The following ARNT variants were observed in gnomAD, a reference collection of about 807,000 sequenced individuals.
The protein encoded by ARNT is class E basic helix-loop-helix protein 2.
A neutral mutation model predicts 105.0 loss-of-function variants in ARNT; 30 were observed. That is an observed-to-expected ratio of 0.29 (90% CI 0.21 to 0.39). The LOEUF (loss-of-function observed/expected upper bound fraction) is 0.39. Ranked by LOEUF, ARNT falls within the 10% of genes least tolerant of loss-of-function variation. The probability of loss-of-function intolerance (pLI) is 1.00; values close to 1 mark genes in which losing one functional copy is unlikely to be tolerated. For missense variants in ARNT, 748 were observed against 978.7 expected, an observed-to-expected ratio of 0.76 and a Z score of 3.15; for synonymous variants, 304 against 344.0, an observed-to-expected ratio of 0.88 and a Z score of 1.29.
At chr1:150,854,483 G>A (rs984947082) in intron 2 of ARNT, among the ~76,000 whole-genome samples, 1 of 152,026 alleles carries the variant, frequency 6.6e-6, no homozygotes, top group Non-Finnish European at 1.5e-5. Context: ...CAGGCCTTGA[G>A]CCTGGGAGGT....
chr1:150,818,834 A>G (rs1656487328), intron 14 of ARNT, among the ~76,000 whole-genome samples: 1 of 152,204 alleles, frequency 6.6e-6, no homozygotes, highest in Non-Finnish European at 1.5e-5. Flanking sequence ...TGGAGAAAGC[A>G]ATTATTTCCA....
chr1:150,868,223 GGT>G (rs759664540), intron 1 of ARNT, among the ~76,000 whole-genome samples: 2 of 152,020 alleles, frequency 1.3e-5, no homozygotes, highest in East Asian at 1.9e-4. Context: ...AGGAAGCAGA[GGT>G]GGGAGGATCA....
At chr1:150,867,066 G>T (rs587595966) in intron 1 of ARNT, among the ~76,000 whole-genome samples, 92 of 151,946 alleles carry the variant, frequency 6.1e-4, no homozygotes, top group African/African-American at 2.0e-3. Flanking sequence ...AATTAGCCAG[G>T]CGTGGTGGCA....
chr1:150,842,476 T>C lies in ARNT; in HGVS notation c.228-8A>G, dbSNP rs771524947. 19 of 1,551,446 alleles carry C rather than the reference T, an allele frequency of 1.2e-5. 1 individual carries two copies. In the East Asian group the frequency reaches 1.4e-4, roughly 11 times the overall value. ...CTCTGCTCATCATCCGACCTAAAAA[T>C]AGAATTAATGAACTAAGCTAAAATT... On this transcript the variant is annotated splice_region_variant and splice_polypyrimidine_tract_variant and intron_variant, in intron 4 of 21. Transcript: ENST00000358595.
chr1:150,812,221 G>C, intron 21 of ARNT, 111 bp from the exon 22 acceptor site: 1 of 713,292 alleles, frequency 1.4e-6, no homozygotes, highest in Non-Finnish European at 2.1e-6. Context: ...AGTCTTTGCT[G>C]TGCTGAGCTC....
At chr1:150,857,168 T>C (rs958770022) in intron 2 of ARNT, among the ~76,000 whole-genome samples, 2 of 152,340 alleles carry the variant, frequency 1.3e-5, no homozygotes, top group East Asian at 1.9e-4. Context: ...TATAATACTG[T>C]AACCTTTCTT....
At chr1:150,826,226 C>T (rs1281503263) in intron 13 of ARNT, among the ~76,000 whole-genome samples, 1 of 152,124 alleles carries the variant, frequency 6.6e-6, no homozygotes, top group Non-Finnish European at 1.5e-5. Flanking sequence ...AGGAAAACAT[C>T]TATTTTCACA....
chr1:150,853,121 A>T, intron 2 of ARNT: 1 of 328,640 alleles, frequency 3.0e-6, no homozygotes, highest in Non-Finnish European at 5.9e-6. Flanking sequence ...TCTCTACTAA[A>T]AATACAAAAA....
chr1:150,853,309 T>C, intron 2 of ARNT: 1 of 353,226 alleles, frequency 2.8e-6, no homozygotes, highest in South Asian at 2.1e-5. Context: ...AACTGGGCAA[T>C]AGAAACAAAA....
At chr1:150,829,503 T>C (rs375273213) in intron 11 of ARNT, 25 of 596,688 alleles carry the variant, frequency 4.2e-5, no homozygotes, top group Non-Finnish European at 7.6e-5. Context: ...GCTGAACTCA[T>C]TACTCAGGTT....
rs745886785 is a variant in ARNT at position 150,817,907 on chromosome 1, C to T, written c.1505+13G>A. ...GTGACTGCTCAACAGATGATTATTT[C>T]ACCCTTTTTTACCTGGGTGCCAGCT... On this transcript the variant is annotated intron_variant, in intron 15 of 21. Coordinates refer to ENST00000358595, the MANE Select transcript of ARNT (RefSeq NM_001668.4). The T allele has an allele frequency of 2.5e-6, 4 of 1,591,434 alleles. No individual in the cohort carries two copies. In the South Asian group the frequency reaches 4.5e-5, roughly 18 times the overall value.
In ARNT at chr1:150,810,692, G is replaced by A. The variant is rs1007450611; in HGVS notation, c.*1329C>T. On this transcript the variant is annotated 3_prime_UTR_variant, in exon 22 of 22. Coordinates refer to ENST00000358595, the MANE Select transcript of ARNT (RefSeq NM_001668.4). ...GTTACCTGAGGAAGGTAAAGGGTGA[G>A]GGTAGTAACCTGTATCCGCATTTAT... 1.4e-5 allele frequency: 3 copies of A among 219,908 alleles called. No homozygotes were observed. Among genetic ancestry groups the A allele is most frequent in the Non-Finnish European group, 2.7e-5 (3 of 109,520 alleles). The allele number at this position is 219,908 out of a possible 1,614,324, so 13.6% of individuals were successfully genotyped here.
In ARNT at chr1:150,811,490, T is replaced by A. The variant is rs61817636; in HGVS notation, c.*531A>T. 6.5e-5 allele frequency: 14 copies of A among 216,918 alleles called. No individual in the cohort carries two copies. The highest frequency in any genetic ancestry group is 4.4e-4 in the East Asian group (7 of 16,000). 13.4% of individuals were successfully genotyped at this position (216,918 alleles called of 1,614,324 possible). ...CACACACACACACATACACACACAC[T>A]CTCTCTCACTTACTCACATGTTTCT... is the stretch of plus-strand genomic sequence containing the variant. On this transcript the variant is annotated 3_prime_UTR_variant, in exon 22 of 22. Coordinates refer to ENST00000358595, the MANE Select transcript of ARNT (RefSeq NM_001668.4).
intron 1 of ARNT, 65 bp from the exon 2 acceptor site, chr1:150,858,525 C>G: frequency 1.6e-6 from 2 of 1,270,654 alleles, no homozygotes; most frequent in Non-Finnish European, 1.1e-6. Flanking sequence ...TCAGTATCAT[C>G]AAGTTAGCTA....
rs1659496056 is a variant in ARNT, at chr1:150,832,324, A to T, written c.869+10T>A. On this transcript the variant is annotated intron_variant, in intron 9 of 21. Transcript: ENST00000358595. ...GCCATCCCTTTGGTTTTCACCACTT[A>T]GGATCTCACCTGCATCTGTTCCTCA... The T allele has an allele frequency of 1.2e-6, 2 of 1,613,988 alleles. No homozygotes were observed. The highest frequency in any genetic ancestry group is 1.7e-6 in the Non-Finnish European group (2 of 1,179,968).
At chr1:150,846,018 A>G (rs1335148579) in intron 4 of ARNT, among the ~76,000 whole-genome samples, 2 of 152,240 alleles carry the variant, frequency 1.3e-5, no homozygotes. Flanking sequence ...CCTTGCAAGC[A>G]CATTGCTTTA....
chr1:150,830,336 T>C (rs1178738501), intron 10 of ARNT: 1 of 176,272 alleles, frequency 5.7e-6, no homozygotes, highest in African/African-American at 2.4e-5. Context: ...ACAGACAGAG[T>C]GAGACTCCCT....
chr1:150,842,431 G>A lies in ARNT; in HGVS notation c.265C>T (p.Leu89Phe). Residue 89 changes from leucine to phenylalanine, a missense_variant, in exon 5 of 22, where the codon CTT (leucine) becomes TTT (phenylalanine). Leu to Phe is a conservative substitution (Grantham distance 22, BLOSUM62 0). Coordinates refer to ENST00000358595, the MANE Select transcript of ARNT (RefSeq NM_001668.4). ...AAGACACTGTTCTCCTACCTGGCAA[G>A]TCTCTCTTTATCCGCAGAGCTCTGC... ...DEQSSADKER[L>F]ARENHSEIER... is the part of the protein sequence containing the mutation. The A allele has an allele frequency of 4.4e-6, 7 of 1,609,122 alleles. No individual in the cohort carries two copies. Among genetic ancestry groups the A allele is most frequent in the Non-Finnish European group, 5.9e-6 (7 of 1,177,130 alleles).
intron 1 of ARNT, among the ~76,000 whole-genome samples, chr1:150,868,649 C>T (rs1306479148): frequency 2.0e-5 from 3 of 151,464 alleles, no homozygotes; most frequent in African/African-American, 4.9e-5. Context: ...CGCCTGTAAT[C>T]CCAGCACTTT....
Sources: gnomAD v4.1 joint callset for allele counts (sites outside exome capture counted in the v4.1 genomes callset) on GRCh38, gnomAD v4.1.1 for gene constraint, MANE v1.5 for transcripts, NCBI Gene and HGNC (gene_info 2026-07-23, HGNC 2026-07-21) for gene names.